The following ZNF33A variants were observed in gnomAD, a reference collection of about 807,000 sequenced individuals.
ZNF33A encodes brain my041 protein.
A neutral mutation model predicts 15.9 loss-of-function variants in ZNF33A; 9 were observed. The observed-to-expected ratio is 0.57, with a 90% CI of 0.34 to 0.99. ZNF33A has a LOEUF of 0.99. Ranked by LOEUF, ZNF33A falls within the 50% of genes least tolerant of loss-of-function variation. The probability of loss-of-function intolerance (pLI) is 0.02; values close to 1 mark genes in which losing one functional copy is unlikely to be tolerated. For missense variants in ZNF33A, 843 were observed against 941.6 expected (o/e 0.90, Z 1.37); for synonymous variants, 294 against 324.2 (o/e 0.91, Z 1.00).
At chr10:38,037,378 C>T (rs2065499519) in intron 4 of ZNF33A, among the ~76,000 whole-genome samples, 1 of 150,974 alleles carries the variant, frequency 6.6e-6, no homozygotes, top group Non-Finnish European at 1.5e-5. Flanking sequence ...GCCTGGTGGG[C>T]AGTGGCACGA....
chr10:38,039,890 CT>C (rs1366468557), intron 4 of ZNF33A, among the ~76,000 whole-genome samples: 1 of 151,130 alleles, frequency 6.6e-6, no homozygotes, highest in East Asian at 2.0e-4. Flanking sequence ...TATAATCTTT[CT>C]GCTTTCCTGC....
chr10:38,045,445 G>A (rs2065907541), intron 4 of ZNF33A, among the ~76,000 whole-genome samples: 1 of 152,106 alleles, frequency 6.6e-6, no homozygotes, highest in South Asian at 2.1e-4. Flanking sequence ...CACTGTCCTG[G>A]ACCATATGTT....
rs2066202825 is a variant in ZNF33A, at chr10:38,051,484, A to T, written c.251-2891A>T. Among the ~76,000 whole-genome samples, 9 of 152,272 alleles carry T rather than the reference A, an allele frequency of 5.9e-5. 1 individual carries two copies. The South Asian group carries it at 1.9e-3, about 32-fold the overall frequency. On this transcript the variant is annotated intron_variant, in intron 4 of 4. Transcript: ENST00000432900. ...CTTACCATGCATTTGCCAAGAATAC[A>T]TGTTACTTTCAATTATATATTGAAA...
At chr10:38,010,866 G>C (rs2064137809) in intron 1 of ZNF33A, 83 bp downstream of exon 1, 1 of 1,549,162 alleles carries the variant, frequency 6.5e-7, no homozygotes, top group Non-Finnish European at 8.8e-7. Context: ...GGTACCAAGT[G>C]GTGGGGAGGA....
At chr10:38,016,837 C>G (rs766843789) in intron 2 of ZNF33A, 34 bp from the exon 3 acceptor site, 2 of 1,608,852 alleles carry the variant, frequency 1.2e-6, no homozygotes. Flanking sequence ...GCCCATACTT[C>G]TTTTTTCATG....
rs2066469222 is a variant in ZNF33A at position 38,056,146 on chromosome 10, C to T, written c.2022C>T (p.Phe674=). 6.2e-7 allele frequency: 1 copy of T among 1,613,956 alleles called. No individual in the cohort carries two copies. The change falls in exon 5 of 5, where the codon TTC becomes TTT. Residue 674 remains phenylalanine, a synonymous_variant. Coordinates refer to ENST00000432900, the MANE Select transcript of ZNF33A (RefSeq NM_006954.2). ...AATGTAATGAATGTGGAAAATCTTT[C>T]TGTGTAAAATCAGGACTTATTTTCC... ...PYKCNECGKS[F]CVKSGLIFHE... is the part of the protein sequence containing the mutation.
At position 38,060,065 on chromosome 10, in the gene ZNF33A, A is replaced by G. The variant is rs369167254; in HGVS notation, c.*3505A>G. The G allele has an allele frequency of 1.0e-6, 1 of 985,430 alleles. No individual in the cohort carries two copies. Among genetic ancestry groups the G allele is most frequent in the African/African-American group, 1.7e-5 (1 of 57,354 alleles). 61.0% of individuals were successfully genotyped at this position (985,430 alleles called of 1,614,324 possible). On this transcript the variant is annotated 3_prime_UTR_variant, in exon 5 of 5. Coordinates refer to ENST00000432900, the MANE Select transcript of ZNF33A (RefSeq NM_006954.2). ...ATAACCAACCAACCAACCCTGAGGA[A>G]CATCTTGTTTCTGTACTAAGGTGTT...
At chr10:38,044,208 C>CTTTTTTTTTTTTT (rs35770536) in intron 4 of ZNF33A, among the ~76,000 whole-genome samples, 1 of 136,022 alleles carries the variant, frequency 7.4e-6, no homozygotes, top group Non-Finnish European at 1.6e-5. Context: ...TCTTTTCTTT[C>CTTTTTTTTTTTTT]TTTTTTTTTT....
intron 4 of ZNF33A, among the ~76,000 whole-genome samples, chr10:38,023,459 A>C (rs2064844458): frequency 6.6e-6 from 1 of 152,232 alleles, no homozygotes. Context: ...AGGCTGGTTC[A>C]ACATTCAGAA....
Position 38,010,926 on chromosome 10 carries a change from T to C in ZNF33A, c.-45+143T>C, listed in dbSNP as rs540424633. ...GCGGGGACGGCGGGGCTGCAGCGTG[T>C]GGGCCACGACGCTAGGCCGGTTCCT... On this transcript the variant is annotated intron_variant, in intron 1 of 4. Transcript: ENST00000432900. 2.0e-5 allele frequency: 20 copies of C among 1,002,356 alleles called. No homozygotes were observed. The South Asian group carries it at 3.1e-4, about 15-fold the overall frequency. 62.1% of individuals were successfully genotyped at this position (1,002,356 alleles called of 1,614,324 possible). A position where few individuals can be genotyped will look rare whatever the true frequency, so the allele number is the denominator to read the frequency against.
chr10:38,064,029 C>T, downstream of ZNF33A: 1 of 1,536,168 alleles, frequency 6.5e-7, no homozygotes, highest in Non-Finnish European at 8.9e-7. Context: ...GCCATCTTCA[C>T]ATCAACCCTA....
At chr10:38,048,265 T>TA (rs2066045227) in intron 4 of ZNF33A, among the ~76,000 whole-genome samples, 1 of 152,190 alleles carries the variant, frequency 6.6e-6, no homozygotes, top group African/African-American at 2.4e-5. Flanking sequence ...TGTAAATCTC[T>TA]AAAAAGTATA....
chr10:38,033,230 T>G (rs1219190167), intron 4 of ZNF33A, among the ~76,000 whole-genome samples: 1 of 152,216 alleles, frequency 6.6e-6, no homozygotes. Context: ...CTGCCTGGCT[T>G]CTTTTTCTTA....
chr10:38,054,334 T>G (rs1436239382), intron 4 of ZNF33A, 41 bp from the exon 5 acceptor site: 3 of 1,478,250 alleles, frequency 2.0e-6, no homozygotes, highest in Admixed American at 5.1e-5. Flanking sequence ...TAAGAAATGT[T>G]TTGGTATTTA....
rs2066465340 is a variant in ZNF33A at position 38,056,052 on chromosome 10, G to A, written c.1928G>A (p.Gly643Glu). The change falls in exon 5 of 5, where the codon GGA becomes GAA. Residue 643 changes from glycine to glutamate, a missense_variant. Gly to Glu is a moderately conservative substitution (Grantham distance 98). Transcript: ENST00000432900. ...GEKPYKCNECGKAFCHKSALI... is the reference protein window; with the variant it reads ...GEKPYKCNECEKAFCHKSALI... The stretch of plus-strand genomic sequence containing the variant: ...AAACCCTATAAATGTAATGAGTGTG[G>A]AAAAGCTTTCTGCCATAAGTCAGCT... 1 of 1,613,994 alleles carries A rather than the reference G, an allele frequency of 6.2e-7. No homozygotes were observed. The highest frequency in any genetic ancestry group is 1.3e-5 in the African/African-American group (1 of 74,920).
intron 3 of ZNF33A, 49 bp downstream of exon 3, chr10:38,017,064 T>C (rs1220346942): frequency 6.3e-7 from 1 of 1,579,844 alleles, no homozygotes; most frequent in Non-Finnish European, 8.6e-7. Flanking sequence ...TTTATTCTTT[T>C]GATTATGAAG....
chr10:38,028,510 C>T (rs1022890891), intron 4 of ZNF33A, among the ~76,000 whole-genome samples: 1 of 151,704 alleles, frequency 6.6e-6, no homozygotes, highest in Non-Finnish European at 1.5e-5. Flanking sequence ...CTCTGTTGCC[C>T]AGGCTGGGGT....
chr10:38,011,641 T>G (rs955712842), intron 1 of ZNF33A, among the ~76,000 whole-genome samples: 12 of 152,152 alleles, frequency 7.9e-5, no homozygotes, highest in African/African-American at 2.7e-4. Flanking sequence ...AGATTTTTTT[T>G]GTTTTTTTGT....
chr10:38,040,126 G>A (rs1477083233), intron 4 of ZNF33A, among the ~76,000 whole-genome samples: 4 of 149,722 alleles, frequency 2.7e-5, no homozygotes, highest in South Asian at 2.1e-4. Flanking sequence ...TTTTAACTTC[G>A]GAATATGTTA....
Sources: allele counts gnomAD v4.1 joint callset (sites outside exome capture counted in the v4.1 genomes callset), GRCh38; gene constraint gnomAD v4.1.1; transcripts MANE v1.5; gene names NCBI Gene and HGNC (gene_info 2026-07-23, HGNC 2026-07-21).